PCNX2: variants seen among roughly 807,000 people sequenced by gnomAD.
The protein encoded by PCNX2 is pecanex 2.
In PCNX2, 168 loss-of-function variants were observed where a neutral mutation model predicts 223.8. The ratio of observed to expected loss-of-function variants is 0.75; its 90% CI spans 0.66 to 0.85. The LOEUF is 0.85. Among genes scored for constraint, PCNX2 ranks in the 40% least tolerant of loss-of-function variants. The probability of loss-of-function intolerance (pLI) is 0.00; values close to 1 mark genes in which losing one functional copy is unlikely to be tolerated. For synonymous variants in PCNX2, 1,006 were observed against 1,052.6 expected (o/e 0.96, Z 0.86); for missense variants, 2,507 against 2,675.5 (o/e 0.94, Z 1.39).
chr1:233,200,750 G>A (rs909044808), intron 13 of PCNX2, among the ~76,000 whole-genome samples: 6 of 151,838 alleles, frequency 4.0e-5, no homozygotes, highest in Admixed American at 6.6e-5. Context: ...GGACAGGCAC[G>A]GTGGCTCACA....
the PCNX2 span, among the ~76,000 whole-genome samples, chr1:233,304,362 A>G: frequency 6.6e-6 from 1 of 152,316 alleles, no homozygotes; most frequent in Admixed American, 6.5e-5. Flanking sequence ...AAGGTAGGCT[A>G]ATCCTCATTC....
chr1:233,229,597 C>A (rs990953907), intron 9 of PCNX2, among the ~76,000 whole-genome samples: 5 of 152,076 alleles, frequency 3.3e-5, no homozygotes, highest in Admixed American at 1.3e-4. Flanking sequence ...ATAAACAGGT[C>A]AAGGGTAAGC....
At chr1:233,227,440 A>C in intron 9 of PCNX2, 69 bp from the exon 10 acceptor site, 1 of 1,375,948 alleles carries the variant, frequency 7.3e-7, no homozygotes, top group South Asian at 1.4e-5. Context: ...ACAAATATAT[A>C]TATATATGTA....
At chr1:233,280,993 T>C (rs532722626) in intron 1 of PCNX2, among the ~76,000 whole-genome samples, 1 of 152,340 alleles carries the variant, frequency 6.6e-6, no homozygotes, top group East Asian at 1.9e-4. Flanking sequence ...CATCATCTAT[T>C]CATCATTCAT....
At chr1:233,200,957 C>T (rs1185844967) in intron 13 of PCNX2, among the ~76,000 whole-genome samples, 1 of 138,404 alleles carries the variant, frequency 7.2e-6, no homozygotes. Context: ...ACCCGGGAGG[C>T]GGAGCTTGCA....
At chr1:233,070,495 T>C (rs187682042) in intron 23 of PCNX2, among the ~76,000 whole-genome samples, 158 of 152,174 alleles carry the variant, frequency 1.0e-3, no homozygotes, top group Non-Finnish European at 2.0e-3. Context: ...TTCAGCAATA[T>C]ATAAAAATAA....
intron 1 of PCNX2, among the ~76,000 whole-genome samples, chr1:233,293,101 AT>A (rs1558433200): frequency 6.6e-6 from 1 of 152,236 alleles, no homozygotes; most frequent in Non-Finnish European, 1.5e-5. Context: ...TCAATAAAGC[AT>A]AGTTAGGTAG....
intron 23 of PCNX2, among the ~76,000 whole-genome samples, chr1:233,067,916 A>G (rs1272085729): frequency 6.6e-6 from 1 of 151,676 alleles, no homozygotes; most frequent in Non-Finnish European, 1.5e-5. Flanking sequence ...AAAAATGAAC[A>G]GAGTCTCCAA....
chr1:233,133,531 C>G (rs74202219), intron 21 of PCNX2, among the ~76,000 whole-genome samples: 3,003 of 152,170 alleles, frequency 0.02, 35 homozygotes, highest in East Asian at 0.05. Context: ...GGACGTAGGT[C>G]ACTGAAAATT....
chr1:233,198,588 T>C (rs1429678775), intron 15 of PCNX2, among the ~76,000 whole-genome samples: 1 of 152,224 alleles, frequency 6.6e-6, no homozygotes, highest in Non-Finnish European at 1.5e-5. Flanking sequence ...AGCAATTGTA[T>C]TCCTTTATTG....
At chr1:233,308,522 A>C in the PCNX2 span, among the ~76,000 whole-genome samples, 1 of 152,132 alleles carries the variant, frequency 6.6e-6, no homozygotes, top group African/African-American at 2.4e-5. Context: ...AAAGGTAAGA[A>C]GCCCCAAAAT....
intron 28 of PCNX2, among the ~76,000 whole-genome samples, chr1:233,009,308 A>G (rs1388159799): frequency 1.3e-5 from 2 of 152,126 alleles, no homozygotes; most frequent in East Asian, 3.9e-4. Context: ...TCAGCAATTA[A>G]TATCCAGGCC....
At chr1:233,064,703 A>G (rs759187785) in intron 23 of PCNX2, among the ~76,000 whole-genome samples, 4 of 151,954 alleles carry the variant, frequency 2.6e-5, no homozygotes, top group Admixed American at 6.6e-5. Context: ...GAATTTTCCA[A>G]CTTTATTATT....
intron 9 of PCNX2, among the ~76,000 whole-genome samples, chr1:233,233,387 C>G: frequency 6.6e-6 from 1 of 151,620 alleles, no homozygotes. Flanking sequence ...GAGCTAAACT[C>G]TACAGCTATG....
the PCNX2 span, among the ~76,000 whole-genome samples, chr1:233,318,795 G>A: frequency 6.6e-6 from 1 of 151,878 alleles, no homozygotes; most frequent in African/African-American, 2.4e-5. Context: ...TCAAACTCCC[G>A]ACCTGAAGTG....
At chr1:233,112,713 A>AGCTGACT in intron 21 of PCNX2, 1 of 560,246 alleles carries the variant, frequency 1.8e-6, no homozygotes, top group Non-Finnish European at 2.2e-6. Context: ...AGATCTTTGA[A>AGCTGACT]CAATATAACT....
chr1:233,220,158 C>T (rs1178215237), intron 10 of PCNX2, among the ~76,000 whole-genome samples: 1 of 152,156 alleles, frequency 6.6e-6, no homozygotes, highest in African/African-American at 2.4e-5. Context: ...TATGAAGATA[C>T]CACAGTTTGT....
chr1:233,254,812 T>G (rs1281169929), intron 5 of PCNX2, among the ~76,000 whole-genome samples: 2 of 152,008 alleles, frequency 1.3e-5, no homozygotes, highest in Non-Finnish European at 2.9e-5. Context: ...ATCTACATCA[T>G]CTAAAAATAG....
At chr1:233,186,742 A>G (rs905408636) in intron 15 of PCNX2, among the ~76,000 whole-genome samples, 3 of 152,210 alleles carry the variant, frequency 2.0e-5, no homozygotes, top group East Asian at 1.9e-4. Context: ...ATTTTGGTGA[A>G]AAACATGATA....
Sources: allele counts gnomAD v4.1 joint callset (sites outside exome capture counted in the v4.1 genomes callset), GRCh38; gene constraint gnomAD v4.1.1; transcripts MANE v1.5; gene names NCBI Gene and HGNC (gene_info 2026-07-23, HGNC 2026-07-21).